The following CNTROB variants were observed in gnomAD, a reference collection of about 807,000 sequenced individuals.
CNTROB encodes centrobin.
CNTROB carries 82 observed loss-of-function variants against 115.7 expected under a neutral mutation model. That is an observed-to-expected ratio of 0.71 (90% CI 0.59 to 0.85). The LOEUF is 0.85. Ranked by LOEUF, CNTROB falls within the 40% of genes least tolerant of loss-of-function variation. The pLI, the probability that CNTROB is intolerant of heterozygous loss-of-function variation, is 0.00. For missense variants in CNTROB, 1,014 were observed against 1,144.4 expected, an observed-to-expected ratio of 0.89 and a Z score of 1.64; for synonymous variants, 439 against 456.4, an observed-to-expected ratio of 0.96 and a Z score of 0.49.
In CNTROB at chr17:7,948,690, G is replaced by GTT. The variant is rs1461671174; in HGVS notation, c.2513+74_2513+75dup. The GTT allele has an allele frequency of 3.1e-6, 5 of 1,613,860 alleles. No individual in the cohort carries two copies. In the South Asian group the frequency reaches 4.4e-5, roughly 14 times the overall value. On this transcript the variant is annotated intron_variant, in intron 17 of 18. Transcript: ENST00000563694. This position sits in a 1 kb window ranked among gnomAD's most constrained non-coding sequence, Gnocchi z 4.4. ...GGATTATGGGGAGTGGAGTGGGTGT[G>GTT]TTTTACACTGAATTGAATCGTTGTC... is the stretch of plus-strand genomic sequence containing the variant.
Position 7,948,956 on chromosome 17 carries a change from TTGA to T in CNTROB, c.2514-126_2514-124del. ...TACTTCCACTAATGTCTCCTCCCAG[TTGA>T]TGCCCAGGTCTATCGAGTTTGATCT... On this transcript the variant is annotated intron_variant, in intron 17 of 18. Transcript: ENST00000563694. The surrounding 1 kb of genome is among the most constrained non-coding windows in gnomAD (Gnocchi z 4.4). 4 of 1,570,784 alleles carry T rather than the reference TTGA, an allele frequency of 2.5e-6. No homozygotes were observed. In the South Asian group the frequency reaches 4.7e-5, roughly 18 times the overall value.
Position 7,944,141 on chromosome 17 carries a change from G to C in CNTROB, c.1464G>C (p.Leu488=). Residue 488 remains leucine, a synonymous_variant, in exon 11 of 19, where the codon CTG becomes CTC. Coordinates refer to ENST00000563694, the MANE Select transcript of CNTROB (RefSeq NM_053051.5). This position sits in a 1 kb window ranked among gnomAD's most constrained non-coding sequence, Gnocchi z 4.0. Reference sequence around the variant, plus strand: ...CCTGTAGGAAGCAGCTGCAGGACCTGAGTGGACAGCACCAGCAGGAGCTGG... The same window carrying C: ...CCTGTAGGAAGCAGCTGCAGGACCTCAGTGGACAGCACCAGCAGGAGCTGG... ...REHHRKQLQD[L]SGQHQQELAS... is the part of the protein sequence containing the mutation. 1 of 1,610,850 alleles carries C rather than the reference G, an allele frequency of 6.2e-7. No homozygotes were observed. Among genetic ancestry groups the C allele is most frequent in the Non-Finnish European group, 8.5e-7 (1 of 1,177,038 alleles).
rs368082295 is a variant in CNTROB, at chr17:7,938,001, GT to G, written c.927+758del. On this transcript the variant is annotated intron_variant, in intron 7 of 18. Coordinates refer to ENST00000563694, the MANE Select transcript of CNTROB (RefSeq NM_053051.5). Reference sequence around the variant, plus strand: ...TTGACTAACTCAAGTTTCTTTTCGTGTTTTTTTTTTTTTTTTTTTGAGACAG... The same window carrying G: ...TTGACTAACTCAAGTTTCTTTTCGTGTTTTTTTTTTTTTTTTTTGAGACAG... Among the ~76,000 whole-genome samples the G allele has an allele frequency of 1.1e-3, 112 of 104,318 alleles. 1 individual carries two copies. The highest frequency in any genetic ancestry group is 1.4e-3 in the Admixed American group (12 of 8,434). The allele number at this position is 104,318 out of a possible 152,430, so 68.4% of individuals were successfully genotyped here. A position where few individuals can be genotyped will look rare whatever the true frequency, so the allele number is the denominator to read the frequency against.
chr17:7,948,013 G>A lies in CNTROB; in HGVS notation c.2209+34G>A. The stretch of plus-strand genomic sequence containing the variant: ...CAACTCTGAAGAAGGTTGGGGCTGG[G>A]GCCTAGGAAAGATCGGAGTTGGTTA... On this transcript the variant is annotated intron_variant, in intron 15 of 18. Coordinates refer to ENST00000563694, the MANE Select transcript of CNTROB (RefSeq NM_053051.5). The surrounding 1 kb of genome is among the most constrained non-coding windows in gnomAD (Gnocchi z 4.4). 1 of 1,606,922 alleles carries A rather than the reference G, an allele frequency of 6.2e-7. No individual in the cohort carries two copies. The highest frequency in any genetic ancestry group is 8.5e-7 in the Non-Finnish European group (1 of 1,173,510).
intron 1 of CNTROB, among the ~76,000 whole-genome samples, 160 bp from the exon 2 acceptor site, chr17:7,933,978 C>T (rs1972840479): frequency 6.6e-6 from 1 of 152,182 alleles, no homozygotes; most frequent in Non-Finnish European, 1.5e-5. Context: ...TTTCTGGCTT[C>T]TGTAGTATTT....
In CNTROB at chr17:7,948,703, T is replaced by C. The variant is rs374473120; in HGVS notation, c.2513+84T>C. 30 of 1,613,142 alleles carry C rather than the reference T, an allele frequency of 1.9e-5. No homozygotes were observed. The African/African-American group carries it at 3.1e-4, about 17-fold the overall frequency. ...TGGAGTGGGTGTGTTTTACACTGAATTGAATCGTTGTCCTTTTCTGGGGAG... is the reference window on the plus strand; with the variant it reads ...TGGAGTGGGTGTGTTTTACACTGAACTGAATCGTTGTCCTTTTCTGGGGAG... On this transcript the variant is annotated intron_variant, in intron 17 of 18. Coordinates refer to ENST00000563694, the MANE Select transcript of CNTROB (RefSeq NM_053051.5). The surrounding 1 kb of genome is among the most constrained non-coding windows in gnomAD (Gnocchi z 4.4).
In CNTROB at chr17:7,934,239, C is replaced by G. The variant is rs905394719; in HGVS notation, c.355+17C>G. ...CAGCCTATCGTGAGTAAGCCCCTTC[C>G]CTAGAACTATGAAGGAGAACCTAGA... On this transcript the variant is annotated intron_variant, in intron 2 of 18. Transcript: ENST00000563694. 2 of 1,609,500 alleles carry G rather than the reference C, an allele frequency of 1.2e-6. No homozygotes were observed. The highest frequency in any genetic ancestry group is 2.2e-5 in the South Asian group (2 of 90,968).
At chr17:7,947,376 G>C (rs1288443800) in intron 13 of CNTROB, among the ~76,000 whole-genome samples, 195 bp from the exon 14 acceptor site, 1 of 152,098 alleles carries the variant, frequency 6.6e-6, no homozygotes, top group Non-Finnish European at 1.5e-5. Context: ...GAATTCAGCT[G>C]TGCCATCTCT....
At chr17:7,932,157 G>C, upstream of CNTROB, 1 of 337,648 alleles carries the variant, frequency 3.0e-6, no homozygotes, top group East Asian at 5.8e-5. Context: ...CTGCGAGCGT[G>C]GTCTCGCGGG....
chr17:7,934,957 C>A, intron 3 of CNTROB, 32 bp from the exon 4 acceptor site: 1 of 1,532,998 alleles, frequency 6.5e-7, no homozygotes, highest in Non-Finnish European at 8.8e-7. Context: ...AAAGCTTTCC[C>A]AGCCCTAACA....
In CNTROB at chr17:7,939,442, G is replaced by T. The variant is rs1973581082; in HGVS notation, c.928-71G>T. ...ATAATTCTCAGCAGGCACCTTGTAT[G>T]AGGGTCAGAGGGCAGATCGCTGGTC... On this transcript the variant is annotated intron_variant, in intron 7 of 18. Transcript: ENST00000563694. This position sits in a 1 kb window ranked among gnomAD's most constrained non-coding sequence, Gnocchi z 4.4. 2.4e-6 allele frequency: 3 copies of T among 1,272,820 alleles called. No homozygotes were observed. The Admixed American group carries it at 5.5e-5, about 23-fold the overall frequency. 78.8% of individuals were successfully genotyped at this position (1,272,820 alleles called of 1,614,324 possible).
intron 7 of CNTROB, among the ~76,000 whole-genome samples, chr17:7,938,299 C>G (rs926087904): frequency 3.3e-5 from 5 of 152,166 alleles, no homozygotes; most frequent in African/African-American, 1.2e-4. Flanking sequence ...GCCACCATAC[C>G]CAGCCACTTC....
intron 9 of CNTROB, among the ~76,000 whole-genome samples, chr17:7,940,613 G>T (rs1487495029): frequency 8.4e-6 from 1 of 119,244 alleles, no homozygotes. Context: ...CTCATTACTT[G>T]AATAACTTGT....
At position 7,943,052 on chromosome 17, in the gene CNTROB, C is replaced by T. The variant is rs527409702; in HGVS notation, c.1312-339C>T. ...TCCTGACCTCGTGATCCGCCCGTCT[C>T]GGCCTCCCAAAGTGCTAGGATTACA... On this transcript the variant is annotated intron_variant, in intron 9 of 18. Transcript: ENST00000563694. This position sits in a 1 kb window ranked among gnomAD's most constrained non-coding sequence, Gnocchi z 4.7. Among the ~76,000 whole-genome samples, 9 of 151,924 alleles carry T rather than the reference C, an allele frequency of 5.9e-5. No homozygotes were observed. In the South Asian group the frequency reaches 1.5e-3, roughly 25 times the overall value.
Position 7,932,737 on chromosome 17 carries a change from T to C in CNTROB, c.-343T>C, listed in dbSNP as rs552477670. 5.5e-5 allele frequency: 14 copies of C among 254,968 alleles called. No individual in the cohort carries two copies. The highest frequency in any genetic ancestry group is 2.7e-4 in the African/African-American group (12 of 44,530). The allele number at this position is 254,968 out of a possible 1,614,324, so 15.8% of individuals were successfully genotyped here. The stretch of plus-strand genomic sequence containing the variant: ...TGACCGGGGATAGCCTGTGCCGGAG[T>C]TGATCTGCAGCTTCCAGCACTCGTA... On this transcript the variant is annotated 5_prime_UTR_variant, in exon 1 of 19. Coordinates refer to ENST00000563694, the MANE Select transcript of CNTROB (RefSeq NM_053051.5).
rs374473120 is a variant in CNTROB at position 7,948,703 on chromosome 17, T to A, written c.2513+84T>A. On this transcript the variant is annotated intron_variant, in intron 17 of 18. Coordinates refer to ENST00000563694, the MANE Select transcript of CNTROB (RefSeq NM_053051.5). The surrounding 1 kb of genome is among the most constrained non-coding windows in gnomAD (Gnocchi z 4.4). ...TGGAGTGGGTGTGTTTTACACTGAA[T>A]TGAATCGTTGTCCTTTTCTGGGGAG... 8.1e-6 allele frequency: 13 copies of A among 1,613,260 alleles called. No homozygotes were observed. The highest frequency in any genetic ancestry group is 8.5e-6 in the Non-Finnish European group (10 of 1,179,374).
At chr17:7,935,743 A>T (rs555507468) in intron 4 of CNTROB, 13 of 162,802 alleles carry the variant, frequency 8.0e-5, no homozygotes, top group African/African-American at 3.1e-4. Context: ...TGGCTGCCTA[A>T]GGTCTAGAAT....
In CNTROB at chr17:7,939,490, T is replaced by C. The variant is rs1363813691; in HGVS notation, c.928-23T>C. The C allele has an allele frequency of 1.9e-6, 3 of 1,607,284 alleles. No individual in the cohort carries two copies. The highest frequency in any genetic ancestry group is 4.5e-5 in the East Asian group (2 of 44,820). On this transcript the variant is annotated intron_variant, in intron 7 of 18. Coordinates refer to ENST00000563694, the MANE Select transcript of CNTROB (RefSeq NM_053051.5). The surrounding 1 kb of genome is among the most constrained non-coding windows in gnomAD (Gnocchi z 4.4). The stretch of plus-strand genomic sequence containing the variant: ...GTCTCTGAAGAGCCTACTAAGGAGC[T>C]TGGTTTTCTTCTGCGGCTGTAGGAG...
Position 7,939,861 on chromosome 17 carries a change from G to A in CNTROB, c.1164+112G>A. Reference sequence around the variant, plus strand: ...GGATACATATAGGCAGGAATGGAGAGTAGAGAGCCATGTGTGGGAGACAAG... The same window carrying A: ...GGATACATATAGGCAGGAATGGAGAATAGAGAGCCATGTGTGGGAGACAAG... On this transcript the variant is annotated intron_variant, in intron 8 of 18. Transcript: ENST00000563694. The surrounding 1 kb of genome is among the most constrained non-coding windows in gnomAD (Gnocchi z 4.4). 8.7e-7 allele frequency: 1 copy of A among 1,152,242 alleles called. No individual in the cohort carries two copies. The allele number at this position is 1,152,242 out of a possible 1,614,324, so 71.4% of individuals were successfully genotyped here.
Sources: allele counts gnomAD v4.1 joint callset (sites outside exome capture counted in the v4.1 genomes callset), GRCh38; gene constraint gnomAD v4.1.1; non-coding constraint Gnocchi (gnomAD v3.1); transcripts MANE v1.5; gene names NCBI Gene and HGNC (gene_info 2026-07-23, HGNC 2026-07-21).